ASTN1: variants seen among roughly 807,000 people sequenced by gnomAD.
ASTN1 encodes astrotactin-1.
A neutral mutation model predicts 140.7 loss-of-function variants in ASTN1; 41 were observed. That is an observed-to-expected ratio of 0.29 (90% CI 0.23 to 0.38). ASTN1 has a LOEUF of 0.38. Ranked by LOEUF, ASTN1 falls within the 10% of genes least tolerant of loss-of-function variation. The probability of loss-of-function intolerance (pLI) is 1.00; values close to 1 mark genes in which losing one functional copy is unlikely to be tolerated. For missense variants in ASTN1, 1,479 were observed against 1,678.8 expected (o/e 0.88, Z 2.08); for synonymous variants, 640 against 652.2 (o/e 0.98, Z 0.29).
At chr1:177,055,890 T>A (rs1046604398) in intron 2 of ASTN1, among the ~76,000 whole-genome samples, 2 of 152,154 alleles carry the variant, frequency 1.3e-5, no homozygotes, top group African/African-American at 4.8e-5. Flanking sequence ...CAAAAGGCGC[T>A]GACAAAAAAG....
rs1224263248 is a variant in ASTN1 at position 176,894,639 on chromosome 1, G to A, written c.2863C>T (p.Pro955Ser). Residue 955 changes from proline to serine, a missense_variant, in exon 17 of 23, where the codon CCT (proline) becomes TCT (serine). Pro to Ser is a moderately conservative substitution (Grantham distance 74). Transcript: ENST00000361833. Reference protein sequence around the residue: ...LCHVTSSPDTPAEPVLLEVTK... With the variant: ...LCHVTSSPDTSAEPVLLEVTK... ...ACCTCCAGCAGAACCGGCTCAGCAGGGGTGTCAGGGCTGGATGTCACATGA... is the reference window on the plus strand; with the variant it reads ...ACCTCCAGCAGAACCGGCTCAGCAGAGGTGTCAGGGCTGGATGTCACATGA... 29 of 1,614,004 alleles carry A rather than the reference G, an allele frequency of 1.8e-5. No homozygotes were observed. Among genetic ancestry groups the A allele is most frequent in the Non-Finnish European group, 2.3e-5 (27 of 1,180,040 alleles).
chr1:177,128,570 A>G (rs1273168358), intron 1 of ASTN1, among the ~76,000 whole-genome samples: 1 of 152,208 alleles, frequency 6.6e-6, no homozygotes, highest in Admixed American at 6.5e-5. Context: ...GTTCATGTGT[A>G]TGCACCAAAT....
chr1:177,145,877 ATG>A (rs1198335850), intron 1 of ASTN1, among the ~76,000 whole-genome samples: 1 of 152,200 alleles, frequency 6.6e-6, no homozygotes, highest in African/African-American at 2.4e-5. Flanking sequence ...CTGAAGTACC[ATG>A]GGAGTTAGGT....
chr1:176,858,200 C>G (rs761645514), downstream of ASTN1, among the ~76,000 whole-genome samples: 1 of 152,128 alleles, frequency 6.6e-6, no homozygotes, highest in Non-Finnish European at 1.5e-5. Context: ...CTGCAAACTA[C>G]CAGAACAAAG....
intron 5 of ASTN1, 146 bp from the exon 6 acceptor site, chr1:177,024,878 C>A: frequency 1.1e-6 from 1 of 877,916 alleles, no homozygotes; most frequent in Non-Finnish European, 1.7e-6. Context: ...GCTGCATGAC[C>A]TCAGTGACCT....
At chr1:177,053,546 T>C (rs1323514041) in intron 2 of ASTN1, among the ~76,000 whole-genome samples, 3 of 152,240 alleles carry the variant, frequency 2.0e-5, no homozygotes, top group Non-Finnish European at 2.9e-5. Context: ...ATTCATTTCC[T>C]ATCTACTTAG....
At chr1:177,136,351 T>A (rs1571835205) in intron 1 of ASTN1, among the ~76,000 whole-genome samples, 1 of 141,394 alleles carries the variant, frequency 7.1e-6, no homozygotes, top group East Asian at 2.0e-4. Context: ...TTTATTTTTC[T>A]TCCTTTTTTT....
At chr1:176,942,892 A>G (rs902178313) in intron 14 of ASTN1, among the ~76,000 whole-genome samples, 5 of 123,930 alleles carry the variant, frequency 4.0e-5, no homozygotes, top group Non-Finnish European at 6.7e-5. Flanking sequence ...TCTCCTTAAA[A>G]TGCGTAAAAC....
chr1:176,939,631 A>T (rs558471168), intron 14 of ASTN1, among the ~76,000 whole-genome samples: 4 of 152,272 alleles, frequency 2.6e-5, no homozygotes, highest in South Asian at 2.1e-4. Context: ...TCAATTTTTT[A>T]AAAAATTTTT....
At chr1:177,027,463 C>T (rs548205724) in intron 5 of ASTN1, among the ~76,000 whole-genome samples, 2 of 151,432 alleles carry the variant, frequency 1.3e-5, no homozygotes, top group African/African-American at 4.9e-5. Context: ...TTCCTTACAC[C>T]CCACTGAGGC....
rs760442147 is a variant in ASTN1, at chr1:177,024,720, C to T, written c.1133G>A (p.Arg378Gln). 1.4e-5 allele frequency: 22 copies of T among 1,613,322 alleles called. No individual in the cohort carries two copies. The highest frequency in any genetic ancestry group is 2.2e-5 in the East Asian group (1 of 44,854). Residue 378 changes from arginine to glutamine, a missense_variant, in exon 6 of 23, where the codon CGA (arginine) becomes CAA (glutamine). Transcript: ENST00000361833. ...SRRRSRVGSP[R>Q]SPVNKTTLTL... ...CAAGGTGGTCTTATTCACAGGACTT[C>T]GGGGAGAACCCACTGAAAGTGAGAC...
intron 2 of ASTN1, among the ~76,000 whole-genome samples, chr1:177,042,297 A>G (rs1232490386): frequency 6.6e-6 from 1 of 152,170 alleles, no homozygotes; most frequent in African/African-American, 2.4e-5. Flanking sequence ...GGATCCAGTC[A>G]AGTATTCAAG....
At chr1:176,927,958 G>A (rs930511376) in intron 16 of ASTN1, among the ~76,000 whole-genome samples, 11 of 151,900 alleles carry the variant, frequency 7.2e-5, no homozygotes, top group African/African-American at 2.7e-4. Context: ...TCTAATCTTG[G>A]AGCAAACAGA....
intron 7 of ASTN1, among the ~76,000 whole-genome samples, chr1:177,016,372 G>A (rs1276042935): frequency 1.3e-5 from 2 of 151,556 alleles, no homozygotes; most frequent in African/African-American, 2.4e-5. Flanking sequence ...TCTCCTGCAT[G>A]GTGAATTCTG....
downstream of ASTN1, among the ~76,000 whole-genome samples, chr1:176,858,225 A>G (rs1667870206): frequency 6.6e-6 from 1 of 152,146 alleles, no homozygotes; most frequent in African/African-American, 2.4e-5. Flanking sequence ...TTATTTATTT[A>G]TTTTCTCACT....
At chr1:177,048,107 G>C (rs988997248) in intron 2 of ASTN1, among the ~76,000 whole-genome samples, 1 of 152,134 alleles carries the variant, frequency 6.6e-6, no homozygotes, top group Non-Finnish European at 1.5e-5. Flanking sequence ...AGGTGAAAAC[G>C]AACTTCAGAA....
intron 1 of ASTN1, among the ~76,000 whole-genome samples, chr1:177,079,741 A>G (rs539023431): frequency 7.9e-5 from 12 of 152,190 alleles, no homozygotes; most frequent in African/African-American, 2.6e-4. Context: ...CAGATGCCCA[A>G]TTCCTTCACA....
chr1:176,888,021 C>T (rs767967154), intron 18 of ASTN1, 50 bp downstream of exon 18: 5 of 1,610,460 alleles, frequency 3.1e-6, no homozygotes, highest in Middle Eastern at 1.7e-4. Flanking sequence ...ATAGTAGACG[C>T]TCATTATCTG....
intron 2 of ASTN1, among the ~76,000 whole-genome samples, chr1:177,035,509 T>C (rs1216692701): frequency 6.6e-6 from 1 of 152,240 alleles, no homozygotes; most frequent in African/African-American, 2.4e-5. Flanking sequence ...AAGCACCTAC[T>C]AAGCATCCAA....
Sources: gnomAD v4.1 joint callset for allele counts (sites outside exome capture counted in the v4.1 genomes callset) on GRCh38, gnomAD v4.1.1 for gene constraint, MANE v1.5 for transcripts, NCBI Gene and HGNC (gene_info 2026-07-23, HGNC 2026-07-21) for gene names.